Variants in PDIA6 observed in about 807,000 individuals in gnomAD.
PDIA6 encodes protein disulfide-isomerase A6.
PDIA6 carries 29 observed loss-of-function variants against 58.4 expected under a neutral mutation model. The ratio of observed to expected loss-of-function variants is 0.50; its 90% CI spans 0.37 to 0.68. PDIA6 has a LOEUF of 0.68. Ranked by LOEUF, PDIA6 falls within the 30% of genes least tolerant of loss-of-function variation. The pLI is 0.00. For synonymous variants in PDIA6, 192 were observed against 202.6 expected, an observed-to-expected ratio of 0.95 and a Z score of 0.44; for missense variants, 480 against 551.0, an observed-to-expected ratio of 0.87 and a Z score of 1.29.
upstream of PDIA6, among the ~76,000 whole-genome samples, chr2:10,814,481 G>C (rs565454223): frequency 1.1e-4 from 17 of 152,374 alleles, no homozygotes; most frequent in South Asian, 3.3e-3. Context: ...CTGCGAGCCT[G>C]TTCCTCCAGG....
intron 1 of PDIA6, chr2:10,819,420 C>T: frequency 1.1e-6 from 1 of 937,878 alleles, no homozygotes. Flanking sequence ...GAATGTTCAC[C>T]ATATGCCAGG....
intron 11 of PDIA6, among the ~76,000 whole-genome samples, chr2:10,786,872 T>C (rs2148531973): frequency 6.6e-6 from 1 of 152,286 alleles, no homozygotes; most frequent in Non-Finnish European, 1.5e-5. Flanking sequence ...TTCAAATAAA[T>C]AACTACATTC....
At chr2:10,812,263 G>C (rs1361402266) in intron 1 of PDIA6, among the ~76,000 whole-genome samples, 1 of 152,122 alleles carries the variant, frequency 6.6e-6, no homozygotes, top group Non-Finnish European at 1.5e-5. Context: ...GCAGAAACAA[G>C]CAGCAGTGCA....
chr2:10,792,047 T>A, intron 5 of PDIA6, 122 bp from the exon 6 acceptor site: 2 of 1,046,238 alleles, frequency 1.9e-6, no homozygotes, highest in Non-Finnish European at 2.8e-6. Flanking sequence ...GTGAATAAAA[T>A]AGTGAAAACG....
At chr2:10,814,323 G>C (rs1360479265), upstream of PDIA6, among the ~76,000 whole-genome samples, 1 of 152,166 alleles carries the variant, frequency 6.6e-6, no homozygotes, top group East Asian at 1.9e-4. Context: ...CCACATGCCA[G>C]CATTGATTTT....
rs1572692644 is a variant in PDIA6 at position 10,812,672 on chromosome 2, A to G, written c.19+6T>C. On this transcript the variant is annotated splice_donor_region_variant and intron_variant, in intron 1 of 12. Coordinates refer to ENST00000272227, the MANE Select transcript of PDIA6 (RefSeq NM_005742.4). ...CGCCCGCCTCCCTCCGCTGGCCCGC[A>G]CCTACCGAGCACCAGGAGAGCCATG... The G allele has an allele frequency of 3.9e-6, 6 of 1,533,528 alleles. No homozygotes were observed. In the East Asian group the frequency reaches 1.6e-4, roughly 41 times the overall value. The allele number at this position is 1,533,528 out of a possible 1,614,324, so 95.0% of individuals were successfully genotyped here.
At chr2:10,810,321 A>G in intron 1 of PDIA6, 6 of 1,531,602 alleles carry the variant, frequency 3.9e-6, no homozygotes, top group Non-Finnish European at 5.2e-6. Flanking sequence ...ACAGAGCATC[A>G]TTAGGTAGAC....
At chr2:10,834,390 C>G (rs754276370), upstream of PDIA6, among the ~76,000 whole-genome samples, 1 of 152,174 alleles carries the variant, frequency 6.6e-6, no homozygotes, top group Admixed American at 6.5e-5. Context: ...TGTGAGGCTT[C>G]CCTCCCTCCC....
intron 2 of PDIA6, chr2:10,819,228 T>C (rs745535238): frequency 3.7e-5 from 45 of 1,212,414 alleles, no homozygotes; most frequent in Non-Finnish European, 5.2e-5. Flanking sequence ...CTTTTGGCTG[T>C]TGTGAACAGA....
chr2:10,821,176 T>C, intron 1 of PDIA6: 1 of 276,806 alleles, frequency 3.6e-6, no homozygotes, highest in Non-Finnish European at 7.0e-6. Flanking sequence ...CTTCCCCCTC[T>C]CTTACCTCTC....
At chr2:10,797,995 G>A (rs1022024423) in intron 2 of PDIA6, among the ~76,000 whole-genome samples, 9 of 152,104 alleles carry the variant, frequency 5.9e-5, no homozygotes, top group African/African-American at 2.2e-4. Flanking sequence ...AGACCAGCCT[G>A]GCTAACATGG....
chr2:10,787,507 C>T (rs1665827418), intron 10 of PDIA6, 68 bp from the exon 11 acceptor site: 2 of 1,385,200 alleles, frequency 1.4e-6, no homozygotes, highest in Admixed American at 2.3e-5. Flanking sequence ...ACTAGAAGAT[C>T]TTAGAGAACA....
At chr2:10,800,480 T>C (rs1193027540) in intron 2 of PDIA6, among the ~76,000 whole-genome samples, 1 of 152,216 alleles carries the variant, frequency 6.6e-6, no homozygotes, top group Non-Finnish European at 1.5e-5. Flanking sequence ...AAGTACTACA[T>C]TAACATCAAA....
rs968825331 is a variant in PDIA6 at position 10,792,947 on chromosome 2, C to T, written c.453+149G>A. 6.3e-6 allele frequency: 4 copies of T among 635,852 alleles called. No homozygotes were observed. In the Admixed American group the frequency reaches 7.3e-5, roughly 12 times the overall value. 39.4% of individuals were successfully genotyped at this position (635,852 alleles called of 1,614,324 possible). A position where few individuals can be genotyped will look rare whatever the true frequency, so the allele number is the denominator to read the frequency against. ...ATGAGCAGGCTGGAGGGCTGGTTCC[C>T]TCTGGGATCGGTGGATCCAATCCTC... On this transcript the variant is annotated intron_variant, in intron 5 of 12. Coordinates refer to ENST00000272227, the MANE Select transcript of PDIA6 (RefSeq NM_005742.4).
chr2:10,815,373 A>T (rs1364371124), upstream of PDIA6: 2 of 152,262 alleles, frequency 1.3e-5, no homozygotes, highest in Non-Finnish European at 2.9e-5. Context: ...TCATGCTCTG[A>T]CAAAGAGAAG....
upstream of PDIA6, among the ~76,000 whole-genome samples, chr2:10,814,189 G>T (rs1667119613): frequency 6.6e-6 from 1 of 152,186 alleles, no homozygotes; most frequent in Non-Finnish European, 1.5e-5. Flanking sequence ...TCCAGGAGTG[G>T]TGGGGGCCGG....
intron 1 of PDIA6, among the ~76,000 whole-genome samples, chr2:10,829,138 A>G (rs1667635845): frequency 6.6e-6 from 1 of 152,146 alleles, no homozygotes; most frequent in Middle Eastern, 3.2e-3. Context: ...GAAAAGGGCG[A>G]TATCTGGCCT....
At position 10,820,824 on chromosome 2, in the gene PDIA6, C is replaced by T. The variant is rs796842575; in HGVS notation, c.-47-1470G>A. 1.8e-4 allele frequency: 130 copies of T among 702,942 alleles called. No homozygotes were observed. The African/African-American group carries it at 2.0e-3, about 11-fold the overall frequency. The allele number at this position is 702,942 out of a possible 1,614,324, so 43.5% of individuals were successfully genotyped here. ...TGGGACCTCAACTGGGGCCAGTGGT[C>T]GGCACACCCACACAAGCTTCTCCCG... On this transcript the variant is annotated intron_variant, in intron 1 of 13. Transcript: ENST00000381611.
chr2:10,832,468 C>CAG (rs1667735848), exon 1 of PDIA6: 1 of 984,982 alleles, frequency 1.0e-6, no homozygotes. Flanking sequence ...CCTAACCTTG[C>CAG]AGCGGGCACC....
Sources: allele counts gnomAD v4.1 joint callset (sites outside exome capture counted in the v4.1 genomes callset), GRCh38; gene constraint gnomAD v4.1.1; transcripts MANE v1.5; gene names NCBI Gene and HGNC (gene_info 2026-07-23, HGNC 2026-07-21).